The following RGL1 variants were observed in gnomAD, a reference collection of about 807,000 sequenced individuals.
RGL1 encodes the protein ral guanine nucleotide dissociation stimulator like 1, also known as ral guanine nucleotide dissociation stimulator-like 1.
Under a neutral mutation model 95.2 loss-of-function variants are expected in RGL1, and 24 were observed. That is an observed-to-expected ratio of 0.25 (90% confidence interval 0.18 to 0.35). RGL1 has a LOEUF of 0.35. RGL1 is among the 10% of genes least tolerant of loss of function. The pLI, the probability that RGL1 is intolerant of heterozygous loss-of-function variation, is 1.00. For missense variants in RGL1, 715 were observed against 936.3 expected (o/e 0.76, Z 3.08); for synonymous variants, 329 against 344.9 (o/e 0.95, Z 0.51).
intron 1 of RGL1, among the ~76,000 whole-genome samples, chr1:183,659,963 C>T (rs1651486460): frequency 6.6e-6 from 1 of 150,922 alleles, no homozygotes; most frequent in Non-Finnish European, 1.5e-5. Flanking sequence ...AACTAAGCTT[C>T]ATAAGTGAAG....
intron 15 of RGL1, among the ~76,000 whole-genome samples, chr1:183,916,057 A>G (rs888169397): frequency 1.3e-5 from 2 of 152,252 alleles, no homozygotes; most frequent in African/African-American, 4.8e-5. Context: ...ATCTGACTGC[A>G]GTAGGACTGA....
At chr1:183,708,954 A>G (rs933743571) in intron 1 of RGL1, among the ~76,000 whole-genome samples, 9 of 152,134 alleles carry the variant, frequency 5.9e-5, no homozygotes, top group African/African-American at 1.9e-4. Context: ...GCCAATGAAC[A>G]CCACAAGGCG....
At chr1:183,651,925 C>G (rs1650784149) in intron 1 of RGL1, among the ~76,000 whole-genome samples, 1 of 152,166 alleles carries the variant, frequency 6.6e-6, no homozygotes, top group African/African-American at 2.4e-5. Context: ...TCAGAACTTG[C>G]CAAAACCAAG....
intron 1 of RGL1, among the ~76,000 whole-genome samples, chr1:183,711,868 A>G (rs751455012): frequency 6.6e-6 from 1 of 152,194 alleles, no homozygotes; most frequent in African/African-American, 2.4e-5. Context: ...AATAGATACT[A>G]TTACAAGACT....
At chr1:183,730,861 A>G (rs940135269) in intron 1 of RGL1, among the ~76,000 whole-genome samples, 2 of 152,114 alleles carry the variant, frequency 1.3e-5, no homozygotes, top group Non-Finnish European at 2.9e-5. Context: ...ACTATACTTC[A>G]TCCTGTTCAT....
chr1:183,870,840 A>G (rs1000795137), intron 4 of RGL1, among the ~76,000 whole-genome samples: 27 of 152,192 alleles, frequency 1.8e-4, no homozygotes, highest in Non-Finnish European at 3.4e-4. Flanking sequence ...TCTTTTTATA[A>G]GTAGCTGAAT....
chr1:183,724,373 G>A lies in RGL1; in HGVS notation c.-32-17753G>A, dbSNP rs1236352623. On this transcript the variant is annotated intron_variant, in intron 1 of 18. Coordinates refer to the RGL1 transcript ENST00000304685. The surrounding 1 kb of genome is among the most constrained non-coding windows in gnomAD (Gnocchi z 4.1). ...ACTAAGTGGGCTCTTGGGGTCCCCA[G>A]TTCCAAGCCCTGGCTCTTGGACAGC... Among the ~76,000 whole-genome samples the A allele has an allele frequency of 6.6e-6, 1 of 152,206 alleles. No homozygotes were observed. The highest frequency in any genetic ancestry group is 1.5e-5 in the Non-Finnish European group (1 of 68,026).
chr1:183,654,176 C>T (rs1383451336), intron 1 of RGL1, among the ~76,000 whole-genome samples: 1 of 152,184 alleles, frequency 6.6e-6, no homozygotes, highest in Non-Finnish European at 1.5e-5. Flanking sequence ...CTTTCTCATC[C>T]AGAGTGCTCC....
chr1:183,884,959 A>G, intron 7 of RGL1, 21 bp downstream of exon 7: 2 of 1,602,100 alleles, frequency 1.2e-6, no homozygotes, highest in Non-Finnish European at 1.7e-6. Flanking sequence ...TTTATAAAAT[A>G]TTCTTTGTGT....
chr1:183,668,540 C>T (rs952769719), intron 1 of RGL1, among the ~76,000 whole-genome samples: 1 of 152,112 alleles, frequency 6.6e-6, no homozygotes, highest in Non-Finnish European at 1.5e-5. Flanking sequence ...TGGCCTCAAG[C>T]AATTCTACCA....
intron 5 of RGL1, among the ~76,000 whole-genome samples, chr1:183,882,696 A>T (rs1666892251): frequency 6.6e-6 from 1 of 152,200 alleles, no homozygotes; most frequent in South Asian, 2.1e-4. Flanking sequence ...ACCTGCCACC[A>T]GTATAGGCAG....
intron 1 of RGL1, among the ~76,000 whole-genome samples, chr1:183,645,212 A>G (rs1028574983): frequency 6.6e-6 from 1 of 150,926 alleles, no homozygotes; most frequent in African/African-American, 2.5e-5. Flanking sequence ...TTGCATATCC[A>G]GTTATAAGTC....
chr1:183,673,167 T>A (rs1397237991), intron 1 of RGL1, among the ~76,000 whole-genome samples: 1 of 152,202 alleles, frequency 6.6e-6, no homozygotes, highest in Non-Finnish European at 1.5e-5. Context: ...AGCATCAGTG[T>A]TTTTAAAACC....
chr1:183,694,015 G>A (rs1654114007), intron 1 of RGL1, among the ~76,000 whole-genome samples: 1 of 152,148 alleles, frequency 6.6e-6, no homozygotes, highest in Admixed American at 6.5e-5. Context: ...GGGCTGCTAT[G>A]GCATGGCACA....
Position 183,865,944 on chromosome 1 carries a change from T to C in RGL1, c.348-52T>C. 14 of 1,305,676 alleles carry C rather than the reference T, an allele frequency of 1.1e-5. No homozygotes were observed. In the South Asian group the frequency reaches 1.4e-4, roughly 13 times the overall value. 80.9% of individuals were successfully genotyped at this position (1,305,676 alleles called of 1,614,324 possible). On this transcript the variant is annotated intron_variant, in intron 3 of 17. Transcript: ENST00000360851. ...TGTAGTTGAAGTTGAATAGAGTTGC[T>C]TTCCAACACCACTGACTGTTTTTGC...
intron 1 of RGL1, among the ~76,000 whole-genome samples, chr1:183,734,761 C>T (rs1029570123): frequency 6.6e-6 from 1 of 152,100 alleles, no homozygotes. Context: ...AACTTTTTAT[C>T]GTAATAAAAA....
At chr1:183,782,101 G>T (rs1008202666) in intron 2 of RGL1, among the ~76,000 whole-genome samples, 6 of 152,150 alleles carry the variant, frequency 3.9e-5, no homozygotes, top group African/African-American at 1.4e-4. Flanking sequence ...ACAAGTTAAT[G>T]TTCACCCTGT....
chr1:183,827,808 A>G (rs1004852687), intron 2 of RGL1, among the ~76,000 whole-genome samples: 4 of 152,218 alleles, frequency 2.6e-5, no homozygotes, highest in African/African-American at 9.6e-5. Context: ...TTTACAATCT[A>G]TGGTAGTGAC....
At chr1:183,832,042 A>T (rs1663293093) in intron 2 of RGL1, among the ~76,000 whole-genome samples, 1 of 152,192 alleles carries the variant, frequency 6.6e-6, no homozygotes, top group South Asian at 2.1e-4. Flanking sequence ...TAAAAGCAGG[A>T]TTTGTACTTT....
Sources: allele counts gnomAD v4.1 joint callset (sites outside exome capture counted in the v4.1 genomes callset), GRCh38; gene constraint gnomAD v4.1.1; non-coding constraint Gnocchi (gnomAD v3.1); transcripts MANE v1.5; gene names NCBI Gene and HGNC (gene_info 2026-07-23, HGNC 2026-07-21).